Variants in ADAT1 observed in about 807,000 individuals in gnomAD.
ADAT1 encodes the protein tRNA-specific adenosine deaminase 1.
Under a neutral mutation model 58.6 loss-of-function variants are expected in ADAT1, and 58 were observed. The observed-to-expected ratio is 0.99, with a 90% CI of 0.80 to 1.23. The LOEUF (loss-of-function observed/expected upper bound fraction) is 1.23, where lower values mean the gene tolerates loss of function less well. Ranked by LOEUF, ADAT1 falls within the 50% of genes most tolerant of loss-of-function variation. ADAT1 has a pLI of 0.00. For synonymous variants in ADAT1, 254 were observed against 220.8 expected (o/e 1.15, Z -1.33); for missense variants, 741 against 608.6 (o/e 1.22, Z -2.29).
At position 75,620,716 on chromosome 16, in the gene ADAT1, G is replaced by C; in HGVS notation, c.84C>G (p.Asn28Lys). Residue 28 changes from asparagine (N) to lysine (K), a missense_variant, in exon 2 of 10, where the codon AAC becomes AAG. Physicochemically the swap from Asn to Lys is moderately conservative, Grantham distance 94 (BLOSUM62 0). Transcript: ENST00000564657. ...CCGCTGCCAATAATGTCCACTCATGGTTTGGCTCAGGCTTCCCCTTCTTGG... is the reference window on the plus strand; with the variant it reads ...CCGCTGCCAATAATGTCCACTCATGCTTTGGCTCAGGCTTCCCCTTCTTGG... The part of the protein sequence containing the change: ...RLPKKGKPEP[N>K]HEWTLLAAVV... 1 of 1,614,172 alleles carries C rather than the reference G, an allele frequency of 6.2e-7. No individual in the cohort carries two copies. Among genetic ancestry groups the C allele is most frequent in the East Asian group, 2.2e-5 (1 of 44,882 alleles).
At position 75,599,207 on chromosome 16, in the gene ADAT1, G is replaced by C. The variant is rs555428533; in HGVS notation, c.*1009C>G. ...AGCAATTCTCCTGCCTCAGCCTCCCGAGTAGCTAGGATTACAGGTGTGCGC... is the reference window on the plus strand; with the variant it reads ...AGCAATTCTCCTGCCTCAGCCTCCCCAGTAGCTAGGATTACAGGTGTGCGC... On this transcript the variant is annotated 3_prime_UTR_variant, in exon 10 of 10. Coordinates refer to ENST00000564657, the MANE Select transcript of ADAT1 (RefSeq NM_001324445.2). The C allele has an allele frequency of 1.2e-6, 1 of 859,074 alleles. No homozygotes were observed. The highest frequency in any genetic ancestry group is 5.4e-5 in the South Asian group (1 of 18,528). The allele number at this position is 859,074 out of a possible 1,614,324, so 53.2% of individuals were successfully genotyped here.
At chr16:75,616,290 G>A (rs2081720861) in intron 5 of ADAT1, among the ~76,000 whole-genome samples, 3 of 152,138 alleles carry the variant, frequency 2.0e-5, no homozygotes, top group South Asian at 2.1e-4. Context: ...TTACAGGTGT[G>A]AGCCACCGTG....
chr16:75,611,170 A>T (rs1383344064), intron 6 of ADAT1, among the ~76,000 whole-genome samples: 6 of 152,150 alleles, frequency 3.9e-5, no homozygotes, highest in Non-Finnish European at 8.8e-5. Flanking sequence ...AAACATATAT[A>T]ATGGCAATGT....
At position 75,598,752 on chromosome 16, in the gene ADAT1, C is replaced by T; in HGVS notation, c.*1464G>A. 2 of 281,162 alleles carry T rather than the reference C, an allele frequency of 7.1e-6. No individual in the cohort carries two copies. The highest frequency in any genetic ancestry group is 5.4e-6 in the Non-Finnish European group (1 of 186,306). 17.4% of individuals were successfully genotyped at this position (281,162 alleles called of 1,614,324 possible). A position where few individuals can be genotyped will look rare whatever the true frequency, so the allele number is the denominator to read the frequency against. ...CAGACTGGTCTCGAACTCCTGACCT[C>T]AGGTGATCTGCCTGCCTCAGCCTCC... On this transcript the variant is annotated 3_prime_UTR_variant, in exon 10 of 10. Coordinates refer to ENST00000564657, the MANE Select transcript of ADAT1 (RefSeq NM_001324445.2).
At chr16:75,605,050 A>C (rs892880956) in intron 8 of ADAT1, among the ~76,000 whole-genome samples, 3 of 152,154 alleles carry the variant, frequency 2.0e-5, no homozygotes, top group Admixed American at 2.0e-4. Flanking sequence ...ATCCACTTCC[A>C]CTTAATGAAT....
At chr16:75,603,035 C>T in intron 9 of ADAT1, 50 bp downstream of exon 9, 1 of 1,553,120 alleles carries the variant, frequency 6.4e-7, no homozygotes, top group Non-Finnish European at 8.9e-7. Context: ...AAGCCAGAAT[C>T]AAAACAGTTG....
At chr16:75,611,130 G>A (rs2081519148) in intron 6 of ADAT1, among the ~76,000 whole-genome samples, 1 of 152,030 alleles carries the variant, frequency 6.6e-6, no homozygotes, top group East Asian at 1.9e-4. Context: ...AAAACATTCT[G>A]AAAGCCCCAA....
At chr16:75,611,631 C>G (rs542729677) in intron 6 of ADAT1, among the ~76,000 whole-genome samples, 3 of 152,102 alleles carry the variant, frequency 2.0e-5, no homozygotes, top group Non-Finnish European at 4.4e-5. Flanking sequence ...ATCCGCCCCC[C>G]TCGACCTCCC....
At position 75,608,838 on chromosome 16, in the gene ADAT1, C is replaced by T. The variant is rs1204398474; in HGVS notation, c.1189+5G>A. ...TCCAGGGCAGGTCTAACCTGGATCT[C>T]TTACCTGCCCCACAAGGAACAAGTC... On this transcript the variant is annotated splice_donor_5th_base_variant and intron_variant, in intron 7 of 9. Transcript: ENST00000564657. 1 of 1,612,748 alleles carries T rather than the reference C, an allele frequency of 6.2e-7. No homozygotes were observed. Among genetic ancestry groups the T allele is most frequent in the Non-Finnish European group, 8.5e-7 (1 of 1,179,640 alleles).
At chr16:75,603,270 G>T in intron 8 of ADAT1, 99 bp from the exon 9 acceptor site, 2 of 1,033,988 alleles carry the variant, frequency 1.9e-6, no homozygotes, top group Non-Finnish European at 2.9e-6. Flanking sequence ...TAGGTTTGAA[G>T]GTGCCAGAGC....
intron 5 of ADAT1, among the ~76,000 whole-genome samples, chr16:75,614,058 C>T (rs150323913): frequency 0.13 from 20,043 of 151,900 alleles, 2,829 homozygotes; most frequent in East Asian, 0.7. Flanking sequence ...GGTGTGGTGG[C>T]GCGCACCTGT....
rs1406666256 is a variant in ADAT1, at chr16:75,600,110, G to T, written c.*106C>A. 41 of 1,544,908 alleles carry T rather than the reference G, an allele frequency of 2.7e-5. No homozygotes were observed. In the East Asian group the frequency reaches 9.1e-4, roughly 34 times the overall value. ...TTACACAACAGAGATGCAAAGCTCA[G>T]AAAGAATGTTCCCTGATTTAACTAC... On this transcript the variant is annotated 3_prime_UTR_variant, in exon 10 of 10. Transcript: ENST00000564657.
intron 8 of ADAT1, among the ~76,000 whole-genome samples, 182 bp from the exon 9 acceptor site, chr16:75,603,353 C>T (rs577771288): frequency 4.6e-5 from 7 of 152,092 alleles, no homozygotes; most frequent in Non-Finnish European, 1.0e-4. Context: ...GGTATAAAAA[C>T]GAGTCTAACC....
rs756528429 is a variant in ADAT1, at chr16:75,612,694, T to G, written c.592A>C (p.Arg198=). ...CTGGCTGCAGTCCCAGGCTCAAGCC[T>G]CATCTTTTTGGTTACAGGACTGTCA... ...DPDSPVTKKM[R]LEPGTAAREV... Residue 198 remains arginine, a synonymous_variant, in exon 6 of 10, where the codon AGG becomes CGG. Transcript: ENST00000564657. 6.2e-7 allele frequency: 1 copy of G among 1,614,090 alleles called. No homozygotes were observed. The highest frequency in any genetic ancestry group is 1.1e-5 in the South Asian group (1 of 91,088).
In ADAT1 at chr16:75,620,746, C is replaced by G; in HGVS notation, c.54G>C (p.Arg18Ser). ...GCTCAGGCTTCCCCTTCTTGGGCAG[C>G]CTGATCCCATAGTGTTCATAGCATA... ...AQLCYEHYGI[R>S]LPKKGKPEPN... The change falls in exon 2 of 10, where the codon AGG (arginine) becomes AGC (serine). Residue 18 changes from arginine to serine, a missense_variant. By Grantham distance (110) the Arg-to-Ser change is moderately radical (BLOSUM62 -1). Transcript: ENST00000564657. The G allele has an allele frequency of 6.2e-7, 1 of 1,614,160 alleles. No individual in the cohort carries two copies. Among genetic ancestry groups the G allele is most frequent in the Non-Finnish European group, 8.5e-7 (1 of 1,180,036 alleles).
chr16:75,606,052 G>T (rs746791799), intron 8 of ADAT1, among the ~76,000 whole-genome samples: 7 of 24,804 alleles, frequency 2.8e-4, no homozygotes, highest in Admixed American at 1.9e-3. Context: ...TTTAGAGATT[G>T]GGGGGGGGGT....
At chr16:75,608,766 G>A in intron 7 of ADAT1, 77 bp downstream of exon 7, 1 of 1,535,884 alleles carries the variant, frequency 6.5e-7, no homozygotes, top group Non-Finnish European at 8.8e-7. Context: ...CCTAGGCTGG[G>A]AGGATGCCGA....
chr16:75,601,587 T>C (rs2081232110), intron 9 of ADAT1, among the ~76,000 whole-genome samples: 2 of 151,426 alleles, frequency 1.3e-5, no homozygotes, highest in African/African-American at 4.9e-5. Flanking sequence ...TGAAACCCCG[T>C]CCCTACTAAC....
At chr16:75,618,817 C>T in intron 3 of ADAT1, 177 bp from the exon 4 acceptor site, 1 of 658,406 alleles carries the variant, frequency 1.5e-6, no homozygotes, top group Non-Finnish European at 2.5e-6. Context: ...GGTTTCTCAA[C>T]CCAGCACTGT....
Sources: allele counts gnomAD v4.1 joint callset (sites outside exome capture counted in the v4.1 genomes callset), GRCh38; gene constraint gnomAD v4.1.1; transcripts MANE v1.5; gene names NCBI Gene and HGNC (gene_info 2026-07-23, HGNC 2026-07-21).